The following DICER1 variants were observed in gnomAD, a reference collection of about 807,000 sequenced individuals.
DICER1 encodes the protein endoribonuclease Dicer.
A neutral mutation model predicts 194.1 loss-of-function variants in DICER1; 43 were observed. That is an observed-to-expected ratio of 0.22 (90% confidence interval 0.17 to 0.29). The LOEUF (loss-of-function observed/expected upper bound fraction) is 0.29, where lower values mean the gene tolerates loss of function less well. Among genes scored for constraint, DICER1 ranks in the 10% least tolerant of loss-of-function variants. The probability of loss-of-function intolerance (pLI) is 1.00; values close to 1 mark genes in which losing one functional copy is unlikely to be tolerated. For missense variants in DICER1, 1,608 were observed against 2,317.0 expected, an observed-to-expected ratio of 0.69 and a Z score of 6.28; for synonymous variants, 832 against 820.5, an observed-to-expected ratio of 1.01 and a Z score of -0.24.
chr14:95,090,792 G>C, intron 26 of DICER1, 129 bp from the exon 27 acceptor site: 2 of 1,188,460 alleles, frequency 1.7e-6, no homozygotes, highest in South Asian at 2.5e-5. Context: ...GGAAACACGC[G>C]TTACGACTTA....
In DICER1 at chr14:95,105,171, T is replaced by C. The variant is rs769846317; in HGVS notation, c.3169A>G (p.Ile1057Val). ...LWRKAVCLPS[I>V]LYRLHCLLTA... ...AAAAGGCAGTGAAGGCGATAAAGTA[T>C]GCTGGGGAGACAAACAGCTTTTCTC... The change falls in exon 20 of 27, where the codon ATA becomes GTA. Residue 1057 changes from isoleucine to valine, a missense_variant. Physicochemically the swap from Ile to Val is conservative, Grantham distance 29 (BLOSUM62 3). This residue lies in a region of DICER1 where 79 missense variants were observed against 176.1 expected (regional missense o/e 0.45). Coordinates refer to ENST00000343455, the MANE Select transcript of DICER1 (RefSeq NM_177438.3). The surrounding 1 kb of genome is among the most constrained non-coding windows in gnomAD (Gnocchi z 4.9). 2 of 1,614,142 alleles carry C rather than the reference T, an allele frequency of 1.2e-6. No individual in the cohort carries two copies. The highest frequency in any genetic ancestry group is 8.5e-7 in the Non-Finnish European group (1 of 1,180,016).
intron 6 of DICER1, 56 bp downstream of exon 6, chr14:95,129,416 A>C: frequency 6.4e-7 from 1 of 1,553,408 alleles, no homozygotes; most frequent in Non-Finnish European, 8.9e-7. Context: ...AACACCAAAG[A>C]CTTAATATTG....
intron 23 of DICER1, among the ~76,000 whole-genome samples, chr14:95,094,706 T>C (rs1245807018): frequency 6.6e-6 from 1 of 152,184 alleles, no homozygotes; most frequent in African/African-American, 2.4e-5. Context: ...TGAGCTATTA[T>C]AGAAATGAAT....
At chr14:95,149,553 T>C (rs1895375115) in intron 1 of DICER1, among the ~76,000 whole-genome samples, 1 of 152,190 alleles carries the variant, frequency 6.6e-6, no homozygotes. Flanking sequence ...CTTCATTATA[T>C]TACTGCCCCA....
chr14:95,120,699 A>G (rs1227464126), intron 8 of DICER1, among the ~76,000 whole-genome samples: 1 of 152,246 alleles, frequency 6.6e-6, no homozygotes, highest in Non-Finnish European at 1.5e-5. Flanking sequence ...TAAATAACAC[A>G]GTATTGGATT....
At position 95,123,072 on chromosome 14, in the gene DICER1, T is replaced by C. The variant is rs79405931; in HGVS notation, c.1376+1124A>G. On this transcript the variant is annotated intron_variant, in intron 8 of 26. Coordinates refer to ENST00000343455, the MANE Select transcript of DICER1 (RefSeq NM_177438.3). ...TTAGGGATCAACTGTGGCCAATTAA[T>C]GGATCTCATAGAAAAGTAAATTGAT... Among the ~76,000 whole-genome samples, 147 of 152,250 alleles carry C rather than the reference T, an allele frequency of 9.7e-4. 2 individuals carry two copies. The East Asian group carries it at 0.027, about 28-fold the overall frequency.
chr14:95,118,798 T>C (rs1301321326), intron 8 of DICER1, among the ~76,000 whole-genome samples: 1 of 148,054 alleles, frequency 6.8e-6, no homozygotes, highest in African/African-American at 2.6e-5. Context: ...GAATCATTCT[T>C]TTAAAAAAAA....
chr14:95,128,829 A>T (rs1450850706), intron 6 of DICER1, among the ~76,000 whole-genome samples: 1 of 152,246 alleles, frequency 6.6e-6, no homozygotes, highest in Non-Finnish European at 1.5e-5. Flanking sequence ...TTAAGACTAC[A>T]TCTAGTAAGA....
At chr14:95,132,480 C>A (rs778712315) in intron 3 of DICER1, 35 bp downstream of exon 3, 1 of 1,607,500 alleles carries the variant, frequency 6.2e-7, no homozygotes, top group Non-Finnish European at 8.5e-7. Flanking sequence ...CATCCAATTT[C>A]CCCTGCACAA....
chr14:95,110,644 C>T (rs145106937), intron 14 of DICER1, among the ~76,000 whole-genome samples: 169 of 152,212 alleles, frequency 1.1e-3, no homozygotes, highest in African/African-American at 3.9e-3. Flanking sequence ...GACTACTACA[C>T]ACAGCAAAAT....
chr14:95,141,332 G>T (rs2140365578), intron 1 of DICER1: 1 of 152,298 alleles, frequency 6.6e-6, no homozygotes, highest in South Asian at 2.1e-4. Flanking sequence ...TAATGTTAAT[G>T]TCGGGCATAA....
rs1595465546 is a variant in DICER1 at position 95,132,445 on chromosome 14, G to A, written c.307+70C>T. On this transcript the variant is annotated intron_variant, in intron 3 of 26. Transcript: ENST00000343455. ...TCAATAATTTAACTTAAGAAACACA[G>A]AAAATCTGTTTAAACATAAAATCCC... The A allele has an allele frequency of 6.0e-6, 9 of 1,509,810 alleles. No individual in the cohort carries two copies. The East Asian group carries it at 2.0e-4, about 34-fold the overall frequency. The allele number at this position is 1,509,810 out of a possible 1,614,324, so 93.5% of individuals were successfully genotyped here.
intron 13 of DICER1, 29 bp downstream of exon 13, chr14:95,112,143 A>C: frequency 6.3e-7 from 1 of 1,592,106 alleles, no homozygotes; most frequent in Non-Finnish European, 8.6e-7. Context: ...ATTTATTTTC[A>C]TTCGTATATG....
rs1893283908 is a variant in DICER1 at position 95,124,989 on chromosome 14, T to C, written c.904-321A>G. ...CTGAGTCATTTACTTCCTGCCAAAT[T>C]ACATAAAATTTATGTAGCACAGTAA... On this transcript the variant is annotated intron_variant, in intron 7 of 26. Coordinates refer to ENST00000343455, the MANE Select transcript of DICER1 (RefSeq NM_177438.3). The surrounding 1 kb of genome is among the most constrained non-coding windows in gnomAD (Gnocchi z 4.5). Among the ~76,000 whole-genome samples, 1 of 152,242 alleles carries C rather than the reference T, an allele frequency of 6.6e-6. No homozygotes were observed. The highest frequency in any genetic ancestry group is 2.1e-4 in the South Asian group (1 of 4,834).
intron 23 of DICER1, chr14:95,095,610 T>TATCA: frequency 1.7e-6 from 1 of 600,338 alleles, no homozygotes; most frequent in Middle Eastern, 4.4e-4. Flanking sequence ...GGGTATATGA[T>TATCA]AGCCATACTC....
intron 14 of DICER1, among the ~76,000 whole-genome samples, chr14:95,110,298 TC>T (rs1891840299): frequency 6.6e-6 from 1 of 152,242 alleles, no homozygotes; most frequent in African/African-American, 2.4e-5. Flanking sequence ...CCAGAGTCTA[TC>T]CTGGCAGCTC....
rs777225197 is a variant in DICER1, at chr14:95,129,551, A to G, written c.655T>C (p.Leu219=). 22 of 1,613,906 alleles carry G rather than the reference A, an allele frequency of 1.4e-5. No homozygotes were observed. Among genetic ancestry groups the G allele is most frequent in the Admixed American group, 1.0e-4 (6 of 60,022 alleles). ...ILNGKCDPEE[L]EEKIQKLEKI... ...TCTAGTTTCTGAATCTTTTCTTCCA[A>G]TTCCTCTGGATCACATTTCCCATTT... is the stretch of plus-strand genomic sequence containing the variant. Residue 219 remains leucine (L), a synonymous_variant, in exon 6 of 27, where the codon TTG becomes CTG. Coordinates refer to ENST00000343455, the MANE Select transcript of DICER1 (RefSeq NM_177438.3).
At chr14:95,123,614 T>C (rs1893128624) in intron 8 of DICER1, among the ~76,000 whole-genome samples, 1 of 152,144 alleles carries the variant, frequency 6.6e-6, no homozygotes, top group African/African-American at 2.4e-5. Context: ...GAGACAGGGT[T>C]TCGTTGTGTT....
chr14:95,107,523 T>C (rs1891538546), intron 17 of DICER1, 85 bp downstream of exon 17: 2 of 1,373,168 alleles, frequency 1.5e-6, no homozygotes, highest in African/African-American at 2.9e-5. Flanking sequence ...GTGCTGGGAC[T>C]GCAGGCGTGA....
Sources: allele counts gnomAD v4.1 joint callset (sites outside exome capture counted in the v4.1 genomes callset), GRCh38; gene constraint gnomAD v4.1.1; regional missense constraint gnomAD v4.1.1; non-coding constraint Gnocchi (gnomAD v3.1); transcripts MANE v1.5; gene names NCBI Gene and HGNC (gene_info 2026-07-23, HGNC 2026-07-21).